The following DPP10 variants were observed in gnomAD, a reference collection of about 807,000 sequenced individuals.
The protein encoded by DPP10 is dipeptidyl peptidase like 10, also known as inactive dipeptidyl peptidase 10.
In DPP10, 33 loss-of-function variants were observed where a neutral mutation model predicts 120.9. The observed-to-expected ratio is 0.27, with a 90% CI of 0.21 to 0.37. The LOEUF (loss-of-function observed/expected upper bound fraction) is 0.37, where lower values mean the gene tolerates loss of function less well. Among genes scored for constraint, DPP10 ranks in the 10% least tolerant of loss-of-function variants. DPP10 has a pLI of 1.00. For missense variants in DPP10, 816 were observed against 942.8 expected, an observed-to-expected ratio of 0.87 and a Z score of 1.76; for synonymous variants, 337 against 326.1, an observed-to-expected ratio of 1.03 and a Z score of -0.36.
chr2:115,095,382 G>C (rs1024545481), intron 1 of DPP10, among the ~76,000 whole-genome samples: 2 of 152,118 alleles, frequency 1.3e-5, no homozygotes, highest in African/African-American at 4.8e-5. Context: ...GATGGGCTTT[G>C]GGAGGAGTGT....
chr2:115,455,244 A>C (rs1222931592), intron 3 of DPP10, among the ~76,000 whole-genome samples: 2 of 151,910 alleles, frequency 1.3e-5, no homozygotes, highest in African/African-American at 4.8e-5. Flanking sequence ...AAATTGATCT[A>C]TACATTGAAT....
chr2:115,789,251 C>T lies in DPP10; in HGVS notation c.1532-1830C>T, dbSNP rs141082635. 3.9e-4 allele frequency among the ~76,000 whole-genome samples: 60 copies of T among 152,208 alleles called. 1 individual carries two copies. In the East Asian group the frequency reaches 0.011, roughly 27 times the overall value. On this transcript the variant is annotated intron_variant, in intron 17 of 25. Coordinates refer to ENST00000410059, the MANE Select transcript of DPP10 (RefSeq NM_020868.6). ...GCAAAACACCTTAACTAAATAATAG[C>T]AAGTCAAACCTAGCAATTATAGAAA...
At chr2:115,447,254 A>G (rs745700668) in intron 3 of DPP10, among the ~76,000 whole-genome samples, 5 of 152,152 alleles carry the variant, frequency 3.3e-5, no homozygotes, top group African/African-American at 4.8e-5. Context: ...AAATGGGGAC[A>G]TTTACCAAAT....
intron 2 of DPP10, among the ~76,000 whole-genome samples, chr2:115,336,277 G>T (rs2063124089): frequency 6.6e-6 from 1 of 151,938 alleles, no homozygotes; most frequent in Non-Finnish European, 1.5e-5. Flanking sequence ...ATAGAGCACA[G>T]AAAAGAACAT....
intron 1 of DPP10, among the ~76,000 whole-genome samples, chr2:115,288,185 T>C (rs955136701): frequency 6.6e-6 from 1 of 152,240 alleles, no homozygotes; most frequent in South Asian, 2.1e-4. Flanking sequence ...ACATTTACTG[T>C]TTTTTAATTT....
At chr2:115,159,701 G>A (rs1021283673) in intron 1 of DPP10, among the ~76,000 whole-genome samples, 2 of 151,966 alleles carry the variant, frequency 1.3e-5, no homozygotes, top group Non-Finnish European at 2.9e-5. Context: ...AATCAAAGAA[G>A]CATTTTATAA....
At chr2:114,694,477 G>T (rs560944901) in intron 1 of DPP10, among the ~76,000 whole-genome samples, 2 of 151,982 alleles carry the variant, frequency 1.3e-5, no homozygotes, top group South Asian at 4.2e-4. Flanking sequence ...TTCTCTCAGT[G>T]GGGATAGTTT....
At chr2:115,141,748 A>C (rs1049576700) in intron 1 of DPP10, among the ~76,000 whole-genome samples, 2 of 152,152 alleles carry the variant, frequency 1.3e-5, no homozygotes. Flanking sequence ...TTTGGTGCTT[A>C]CAATAGGAAA....
At chr2:114,683,559 C>T (rs1015183102) in intron 1 of DPP10, among the ~76,000 whole-genome samples, 10 of 137,414 alleles carry the variant, frequency 7.3e-5, no homozygotes, top group African/African-American at 2.7e-4. Context: ...TCTCTCTCTC[C>T]CTCCCTCCCT....
At chr2:115,626,897 C>T (rs924442851) in intron 5 of DPP10, among the ~76,000 whole-genome samples, 16 of 152,022 alleles carry the variant, frequency 1.1e-4, no homozygotes, top group African/African-American at 3.9e-4. Context: ...TTCTAAATAC[C>T]ACTCACTAAA....
At chr2:115,021,447 AC>A (rs1460422354) in intron 1 of DPP10, among the ~76,000 whole-genome samples, 1 of 152,018 alleles carries the variant, frequency 6.6e-6, no homozygotes, top group African/African-American at 2.4e-5. Context: ...GAAATATACA[AC>A]CCTCCTAGAT....
chr2:115,485,534 A>C (rs2075722410), intron 3 of DPP10, among the ~76,000 whole-genome samples: 1 of 152,096 alleles, frequency 6.6e-6, no homozygotes, highest in Non-Finnish European at 1.5e-5. Context: ...TGTTTAAATG[A>C]ATGCAATACT....
At chr2:115,712,001 T>G (rs2092334695) in intron 7 of DPP10, among the ~76,000 whole-genome samples, 1 of 150,736 alleles carries the variant, frequency 6.6e-6, no homozygotes, top group South Asian at 2.1e-4. Flanking sequence ...AGGCACTGGT[T>G]TTGTAGAAGA....
chr2:115,727,976 A>C (rs772370532), intron 8 of DPP10, 40 bp downstream of exon 8: 7 of 1,578,584 alleles, frequency 4.4e-6, no homozygotes, highest in Non-Finnish European at 6.0e-6. Context: ...AACAAATGAC[A>C]TATTTTTATA....
intron 1 of DPP10, chr2:114,835,296 GTATATATAAGACATA>G (rs1171375160): frequency 2.0e-5 from 3 of 149,296 alleles, no homozygotes; most frequent in South Asian, 2.1e-4. Flanking sequence ...ACACACCTAT[GTATATATAAGACATA>G]TCTACACACC....
At chr2:115,594,756 G>T (rs2082887718) in intron 5 of DPP10, among the ~76,000 whole-genome samples, 1 of 152,084 alleles carries the variant, frequency 6.6e-6, no homozygotes, top group Non-Finnish European at 1.5e-5. Flanking sequence ...AACTGTGGAT[G>T]ACAAAAGTCT....
At chr2:114,850,742 T>TG (rs2106485541) in intron 1 of DPP10, among the ~76,000 whole-genome samples, 1 of 152,252 alleles carries the variant, frequency 6.6e-6, no homozygotes, top group Non-Finnish European at 1.5e-5. Flanking sequence ...AAAGGAACAA[T>TG]GCACTGTGCT....
At chr2:115,226,455 A>G (rs948485899) in intron 1 of DPP10, among the ~76,000 whole-genome samples, 1 of 152,154 alleles carries the variant, frequency 6.6e-6, no homozygotes, top group African/African-American at 2.4e-5. Flanking sequence ...GCTTTATTCC[A>G]TGTTTCCATG....
intron 1 of DPP10, among the ~76,000 whole-genome samples, chr2:115,167,073 G>A (rs935542299): frequency 6.6e-6 from 1 of 152,142 alleles, no homozygotes; most frequent in Non-Finnish European, 1.5e-5. Context: ...AAAGACCAGT[G>A]TGTTTTCTTG....
Sources: gnomAD v4.1 joint callset for allele counts (sites outside exome capture counted in the v4.1 genomes callset) on GRCh38, gnomAD v4.1.1 for gene constraint, MANE v1.5 for transcripts, NCBI Gene and HGNC (gene_info 2026-07-23, HGNC 2026-07-21) for gene names.